Variants in OMA1 observed in about 807,000 individuals in gnomAD.
OMA1 encodes metalloendopeptidase OMA1, mitochondrial.
OMA1 carries 38 observed loss-of-function variants against 30.9 expected under a neutral mutation model. The observed-to-expected ratio is 1.23, with a 90% confidence interval of 0.95 to 1.61. The LOEUF (loss-of-function observed/expected upper bound fraction) is 1.61. Ranked by LOEUF, OMA1 falls within the 40% of genes most tolerant of loss-of-function variation. OMA1 has a pLI of 0.00. For missense variants in OMA1, 461 were observed against 349.2 expected (o/e 1.32, Z -2.55); for synonymous variants, 173 against 121.9 (o/e 1.42, Z -2.76).
At chr1:58,529,501 A>G (rs1409446109) in intron 6 of OMA1, among the ~76,000 whole-genome samples, 1 of 152,262 alleles carries the variant, frequency 6.6e-6, no homozygotes, top group African/African-American at 2.4e-5. Context: ...CACTAAAAAC[A>G]AAAGTTAACA....
chr1:58,506,274 C>A, intron 7 of OMA1, 65 bp from the exon 8 acceptor site: 1 of 747,346 alleles, frequency 1.3e-6, no homozygotes, highest in Non-Finnish European at 2.3e-6. Context: ...AAAACTACTA[C>A]TTTATTTTTT....
intron 8 of OMA1, among the ~76,000 whole-genome samples, chr1:58,489,529 A>G (rs1645639214): frequency 6.6e-6 from 1 of 152,224 alleles, no homozygotes. Context: ...GGGCATAGCC[A>G]AACAAAAGGC....
intron 8 of OMA1, among the ~76,000 whole-genome samples, chr1:58,485,140 C>T (rs990218349): frequency 5.0e-5 from 7 of 139,084 alleles, no homozygotes; most frequent in Admixed American, 3.1e-4. Context: ...TGTGAGTATG[C>T]GGGGACAGAT....
chr1:58,498,077 A>C (rs1171110969), intron 8 of OMA1, among the ~76,000 whole-genome samples: 1 of 152,124 alleles, frequency 6.6e-6, no homozygotes, highest in African/African-American at 2.4e-5. Flanking sequence ...TTTATATCAA[A>C]ATACTTCTGA....
chr1:58,540,491 A>T (rs933055577), intron 1 of OMA1, among the ~76,000 whole-genome samples: 4 of 152,016 alleles, frequency 2.6e-5, no homozygotes, highest in Admixed American at 2.6e-4. Flanking sequence ...TATACTGCAC[A>T]TGTTTAAGAA....
rs559674696 is a variant in OMA1, at chr1:58,498,670, A to G, written c.1365+7390T>C. Reference sequence around the variant, plus strand: ...CATTTCAGCATTCCTTCTTGCCTATATAACTATGTTTCTTGAATTCTCTTT... The same window carrying G: ...CATTTCAGCATTCCTTCTTGCCTATGTAACTATGTTTCTTGAATTCTCTTT... On this transcript the variant is annotated intron_variant, in intron 8 of 8. Coordinates refer to ENST00000371226, the MANE Select transcript of OMA1 (RefSeq NM_145243.5). 5.3e-5 allele frequency among the ~76,000 whole-genome samples: 8 copies of G among 152,332 alleles called. No individual in the cohort carries two copies. The South Asian group carries it at 1.4e-3, about 28-fold the overall frequency.
At chr1:58,491,658 G>C (rs906771962) in intron 8 of OMA1, among the ~76,000 whole-genome samples, 3 of 152,106 alleles carry the variant, frequency 2.0e-5, no homozygotes, top group Non-Finnish European at 4.4e-5. Flanking sequence ...AAGATCAAAA[G>C]AGACAAAGAA....
At chr1:58,500,987 TG>T (rs1645897961) in intron 8 of OMA1, among the ~76,000 whole-genome samples, 1 of 152,212 alleles carries the variant, frequency 6.6e-6, no homozygotes, top group Non-Finnish European at 1.5e-5. Context: ...ATTTTAAAAC[TG>T]TCATACTATT....
chr1:58,544,629 T>C (rs920908600), intron 1 of OMA1, among the ~76,000 whole-genome samples: 1 of 152,224 alleles, frequency 6.6e-6, no homozygotes, highest in East Asian at 1.9e-4. Flanking sequence ...TCTCACTTTG[T>C]CGTTGTCCAG....
intron 7 of OMA1, among the ~76,000 whole-genome samples, chr1:58,511,381 T>C (rs1569921261): frequency 6.6e-6 from 1 of 152,152 alleles, no homozygotes; most frequent in Admixed American, 6.5e-5. Context: ...GGTATGGTGG[T>C]TCATATCTGT....
chr1:58,490,980 T>C (rs1461236032), intron 8 of OMA1, among the ~76,000 whole-genome samples: 2 of 151,698 alleles, frequency 1.3e-5, no homozygotes, highest in Admixed American at 6.6e-5. Context: ...TAAATTTTTT[T>C]GTATTTTTAG....
chr1:58,510,826 A>G (rs1427752871), intron 7 of OMA1, among the ~76,000 whole-genome samples: 1 of 151,954 alleles, frequency 6.6e-6, no homozygotes, highest in Non-Finnish European at 1.5e-5. Context: ...TCTACACACT[A>G]ACAACAAACT....
chr1:58,541,839 C>T (rs1344166047), intron 1 of OMA1, among the ~76,000 whole-genome samples: 4 of 152,140 alleles, frequency 2.6e-5, no homozygotes, highest in African/African-American at 9.6e-5. Context: ...GGTACACACA[C>T]AAAGGACATA....
intron 7 of OMA1, among the ~76,000 whole-genome samples, chr1:58,519,009 T>C (rs866535107): frequency 1.7e-4 from 26 of 152,286 alleles, no homozygotes; most frequent in African/African-American, 5.5e-4. Flanking sequence ...GGCAGTATGG[T>C]TCCAGAGTTC....
intron 8 of OMA1, among the ~76,000 whole-genome samples, chr1:58,487,387 A>C (rs1422538425): frequency 6.6e-6 from 1 of 152,222 alleles, no homozygotes; most frequent in Non-Finnish European, 1.5e-5. Context: ...GTAATATAAT[A>C]TCGTATTGTC....
chr1:58,504,804 T>C (rs1321740293), intron 8 of OMA1, among the ~76,000 whole-genome samples: 2 of 152,198 alleles, frequency 1.3e-5, no homozygotes, highest in Admixed American at 6.5e-5. Context: ...CATATCCTTG[T>C]ACTAATAATC....
At chr1:58,517,521 T>G (rs1646176027) in intron 7 of OMA1, among the ~76,000 whole-genome samples, 1 of 152,202 alleles carries the variant, frequency 6.6e-6, no homozygotes, top group Admixed American at 6.5e-5. Context: ...CCTATGTAAT[T>G]TGATGTAACT....
chr1:58,485,820 C>T (rs543256525), intron 8 of OMA1, among the ~76,000 whole-genome samples: 18 of 152,202 alleles, frequency 1.2e-4, no homozygotes, highest in South Asian at 2.1e-4. Context: ...ACTTAACAAA[C>T]GCATGCTAAA....
rs369039548 is a variant in OMA1, at chr1:58,481,205, T to C, written c.1366-31A>G. 149 of 711,228 alleles carry C rather than the reference T, an allele frequency of 2.1e-4. 3 individuals carry two copies. Among genetic ancestry groups the C allele is most frequent in the Middle Eastern group, 1.9e-3 (5 of 2,680 alleles). The allele number at this position is 711,228 out of a possible 1,614,324, so 44.1% of individuals were successfully genotyped here. On this transcript the variant is annotated intron_variant, in intron 8 of 8. Coordinates refer to ENST00000371226, the MANE Select transcript of OMA1 (RefSeq NM_145243.5). ...AAGAAATAATAAAATAAAAAAATAC[T>C]ATATATATACATCAATGTATTCAGA...
Sources: gnomAD v4.1 joint callset for allele counts (sites outside exome capture counted in the v4.1 genomes callset) on GRCh38, gnomAD v4.1.1 for gene constraint, MANE v1.5 for transcripts, NCBI Gene and HGNC (gene_info 2026-07-23, HGNC 2026-07-21) for gene names.